Variants in WWOX observed in about 807,000 individuals in gnomAD.
WWOX encodes WW domain containing oxidoreductase, also known as WW domain-containing oxidoreductase.
WWOX carries 69 observed loss-of-function variants against 46.2 expected under a neutral mutation model. The ratio of observed to expected loss-of-function variants is 1.49; its 90% CI spans 1.23 to 1.82. The LOEUF (loss-of-function observed/expected upper bound fraction) is 1.82, where lower values mean the gene tolerates loss of function less well. Among genes scored for constraint, WWOX ranks in the 40% most tolerant of loss-of-function variants. The pLI, the probability that WWOX is intolerant of heterozygous loss-of-function variation, is 0.00. For synonymous variants in WWOX, 359 were observed against 202.6 expected, an observed-to-expected ratio of 1.77 and a Z score of -6.56; for missense variants, 919 against 542.6, an observed-to-expected ratio of 1.69 and a Z score of -6.89.
intron 8 of WWOX, among the ~76,000 whole-genome samples, chr16:79,104,882 G>A (rs528738961): frequency 4.6e-5 from 7 of 152,282 alleles, no homozygotes; most frequent in Non-Finnish European, 7.3e-5. Context: ...ACAGACAGCG[G>A]CCAGAGAAGG....
At position 79,099,957 on chromosome 16, in the gene WWOX, C is replaced by G. The variant is rs75741605; in HGVS notation, c.1057-111651C>G. Among the ~76,000 whole-genome samples the G allele has an allele frequency of 3.1e-3, 478 of 152,318 alleles. 3 individuals are homozygous for G. Among genetic ancestry groups the G allele is most frequent in the African/African-American group, 0.011 (446 of 41,570 alleles). On this transcript the variant is annotated intron_variant, in intron 8 of 8. Coordinates refer to ENST00000566780, the MANE Select transcript of WWOX (RefSeq NM_016373.4). Reference sequence around the variant, plus strand: ...GGCAGTCGAGAGAGGCAGACAGGAACTCTTGGCATATGCTAAAGCTGCTAT... The same window carrying G: ...GGCAGTCGAGAGAGGCAGACAGGAAGTCTTGGCATATGCTAAAGCTGCTAT...
At chr16:78,262,097 CAAA>C (rs752161345) in intron 5 of WWOX, among the ~76,000 whole-genome samples, 15 of 62,604 alleles carry the variant, frequency 2.4e-4, no homozygotes, top group East Asian at 6.3e-4. Context: ...GAAACTCTGT[CAAA>C]AAAAAAAAAA....
chr16:78,587,324 C>T (rs1010735530), intron 8 of WWOX, among the ~76,000 whole-genome samples: 6 of 151,218 alleles, frequency 4.0e-5, no homozygotes, highest in African/African-American at 1.2e-4. Context: ...TGAGCCACTG[C>T]GTGAGGCCCA....
At chr16:78,887,090 G>A (rs1283529206) in intron 8 of WWOX, among the ~76,000 whole-genome samples, 1 of 21,100 alleles carries the variant, frequency 4.7e-5, no homozygotes, top group Non-Finnish European at 4.3e-4. Flanking sequence ...GTGTGTGTGT[G>A]TGTGTGTGTG....
intron 8 of WWOX, among the ~76,000 whole-genome samples, chr16:79,058,782 T>C (rs1806009237): frequency 6.6e-6 from 1 of 152,220 alleles, no homozygotes; most frequent in South Asian, 2.1e-4. Context: ...TTTTATTCTA[T>C]ACTAACAAAG....
chr16:78,705,758 G>A (rs1404936050), intron 8 of WWOX, among the ~76,000 whole-genome samples: 1 of 152,110 alleles, frequency 6.6e-6, no homozygotes, highest in South Asian at 2.1e-4. Flanking sequence ...TACCATCAGA[G>A]CACATACTGC....
chr16:78,485,437 C>G (rs2084608486), intron 8 of WWOX, among the ~76,000 whole-genome samples: 1 of 152,184 alleles, frequency 6.6e-6, no homozygotes, highest in South Asian at 2.1e-4. Context: ...CCTCAACTTC[C>G]ATAGGAACCA....
At position 78,984,174 on chromosome 16, in the gene WWOX, G is replaced by A. The variant is rs557690091; in HGVS notation, c.1057-227434G>A. ...ATTACAGGCATGAGCCATCGCGCCC[G>A]GCCAGAGGGCTATTCTTTGTCTTTT... On this transcript the variant is annotated intron_variant, in intron 8 of 8. Coordinates refer to ENST00000566780, the MANE Select transcript of WWOX (RefSeq NM_016373.4). 1.6e-4 allele frequency among the ~76,000 whole-genome samples: 25 copies of A among 152,176 alleles called. No homozygotes were observed. The South Asian group carries it at 4.1e-3, about 25-fold the overall frequency.
At chr16:78,740,336 A>G (rs1010792166) in intron 8 of WWOX, among the ~76,000 whole-genome samples, 2 of 152,148 alleles carry the variant, frequency 1.3e-5, no homozygotes, top group Non-Finnish European at 2.9e-5. Context: ...TGAGAGTTAA[A>G]TCAAGCAGCC....
chr16:79,073,687 C>A (rs778578057), intron 8 of WWOX, among the ~76,000 whole-genome samples: 13 of 152,132 alleles, frequency 8.5e-5, no homozygotes, highest in Non-Finnish European at 1.8e-4. Context: ...CCCTGCTTGC[C>A]TTTGCAGCTA....
chr16:78,742,665 A>G (rs899857780), intron 8 of WWOX, among the ~76,000 whole-genome samples: 1 of 152,144 alleles, frequency 6.6e-6, no homozygotes, highest in East Asian at 1.9e-4. Context: ...AAAACTGTTT[A>G]TGTCTGCGGA....
chr16:78,780,941 G>C (rs1188469879), intron 8 of WWOX, among the ~76,000 whole-genome samples: 1 of 152,240 alleles, frequency 6.6e-6, no homozygotes, highest in East Asian at 1.9e-4. Context: ...CAGCAGAAGT[G>C]TGCAGGATGA....
intron 5 of WWOX, among the ~76,000 whole-genome samples, chr16:78,305,240 A>G (rs2080111700): frequency 1.3e-5 from 2 of 151,988 alleles, no homozygotes; most frequent in South Asian, 2.1e-4. Context: ...CTGGGGGACT[A>G]CGTTTTTCAT....
At chr16:78,532,498 A>G (rs990630240) in intron 8 of WWOX, among the ~76,000 whole-genome samples, 2 of 152,310 alleles carry the variant, frequency 1.3e-5, no homozygotes, top group South Asian at 2.1e-4. Context: ...TAGGGTGTTG[A>G]TAAGAAACAG....
intron 8 of WWOX, among the ~76,000 whole-genome samples, chr16:78,987,685 T>C (rs189531739): frequency 4.1e-4 from 63 of 152,318 alleles, no homozygotes; most frequent in African/African-American, 1.5e-3. Context: ...CCCTCCATGT[T>C]CAGAGGCAGA....
intron 8 of WWOX, among the ~76,000 whole-genome samples, chr16:79,194,618 G>A (rs1052711624): frequency 3.3e-5 from 5 of 152,046 alleles, no homozygotes; most frequent in African/African-American, 9.7e-5. Flanking sequence ...CTCCACCCCC[G>A]TTCAGTTCCC....
intron 5 of WWOX, among the ~76,000 whole-genome samples, chr16:78,191,804 T>C (rs1359918265): frequency 6.6e-6 from 1 of 152,206 alleles, no homozygotes; most frequent in Non-Finnish European, 1.5e-5. Context: ...GGAATAATTA[T>C]TAGAACAGTT....
At chr16:78,589,059 G>A (rs1048426057) in intron 8 of WWOX, among the ~76,000 whole-genome samples, 3 of 152,182 alleles carry the variant, frequency 2.0e-5, no homozygotes, top group African/African-American at 7.2e-5. Flanking sequence ...GACCTTATCA[G>A]TTACCTGTAG....
intron 8 of WWOX, chr16:78,899,595 A>G (rs1373297563): frequency 1.3e-5 from 2 of 152,196 alleles, no homozygotes; most frequent in Non-Finnish European, 2.9e-5. Context: ...AACAACGGGA[A>G]CATTGGCCAC....
Sources: allele counts gnomAD v4.1 joint callset (sites outside exome capture counted in the v4.1 genomes callset), GRCh38; gene constraint gnomAD v4.1.1; transcripts MANE v1.5; gene names NCBI Gene and HGNC (gene_info 2026-07-23, HGNC 2026-07-21).